The following TBC1D30 variants were observed in gnomAD, a reference collection of about 807,000 sequenced individuals.
The protein encoded by TBC1D30 is TBC1 domain family, member 30.
A neutral mutation model predicts 63.2 loss-of-function variants in TBC1D30; 31 were observed. That is an observed-to-expected ratio of 0.49 (90% confidence interval 0.37 to 0.66). TBC1D30 has a LOEUF of 0.66. Among genes scored for constraint, TBC1D30 ranks in the 30% least tolerant of loss-of-function variants. TBC1D30 has a pLI of 0.00. For synonymous variants in TBC1D30, 307 were observed against 361.5 expected (o/e 0.85, Z 1.71); for missense variants, 810 against 953.6 (o/e 0.85, Z 1.98).
chr12:64,839,254 G>C (rs1354508841), intron 7 of TBC1D30, among the ~76,000 whole-genome samples: 4 of 152,144 alleles, frequency 2.6e-5, no homozygotes, highest in Non-Finnish European at 1.5e-5. Flanking sequence ...TGCCTTTCAG[G>C]GCTGTGATAA....
intron 6 of TBC1D30, among the ~76,000 whole-genome samples, chr12:64,838,033 A>T (rs1037911884): frequency 3.9e-5 from 6 of 152,236 alleles, no homozygotes; most frequent in Admixed American, 2.0e-4. Context: ...AAATATTTAT[A>T]TTTCATAAAA....
chr12:64,836,559 G>T lies in TBC1D30; in HGVS notation c.664G>T (p.Val222Leu). The change falls in exon 6 of 12, where the codon GTG (valine) becomes TTG (leucine). Residue 222 changes from valine (V) to leucine (L), a missense_variant. Around this residue, in one of 4 missense-constraint regions of TBC1D30, gnomAD observed 272 missense variants for 335.9 expected, o/e 0.81. Coordinates refer to ENST00000539867, the MANE Select transcript of TBC1D30 (RefSeq NM_015279.2). ...CGTCAATAATCTCCGGGCATTGTCT[G>T]TGGATATGGCTGTCTTCAGAGACCT... ...YFVNNLRALS[V>L]DMAVFRDLLR... 1 of 1,535,968 alleles carries T rather than the reference G, an allele frequency of 6.5e-7. No individual in the cohort carries two copies. The highest frequency in any genetic ancestry group is 8.7e-7 in the Non-Finnish European group (1 of 1,146,850).
rs1306150124 is a variant in TBC1D30, at chr12:64,824,911, G to A, written c.32G>A (p.Arg11Lys). MRQDKLTGSL[R>K]RGGRCLKRQG... ...CAGGACAAGCTGACCGGGTCTCTGA[G>A]GCGCGGGGGGAGATGCCTGAAGCGG... Residue 11 changes from arginine to lysine, a missense_variant, in exon 1 of 12, where the codon AGG (arginine) becomes AAG (lysine). Arg to Lys is a conservative substitution (Grantham distance 26). Transcript: ENST00000539867. 1.3e-6 allele frequency: 2 copies of A among 1,534,342 alleles called. No individual in the cohort carries two copies. Among genetic ancestry groups the A allele is most frequent in the South Asian group, 1.2e-5 (1 of 83,916 alleles).
intron 1 of TBC1D30, among the ~76,000 whole-genome samples, chr12:64,759,913 A>AT (rs1870434489): frequency 6.6e-6 from 1 of 152,146 alleles, no homozygotes. Flanking sequence ...ATCGTTTTTA[A>AT]TTTTCTCTAC....
chr12:64,804,824 A>ACGGGGCT (rs1480935077), intron 2 of TBC1D30, among the ~76,000 whole-genome samples: 2 of 152,074 alleles, frequency 1.3e-5, no homozygotes, highest in African/African-American at 4.8e-5. Context: ...CAAAAGGTAT[A>ACGGGGCT]CGGGGCTCAA....
At chr12:64,850,178 A>G (rs750594626) in intron 8 of TBC1D30, among the ~76,000 whole-genome samples, 5 of 152,186 alleles carry the variant, frequency 3.3e-5, no homozygotes, top group Non-Finnish European at 7.3e-5. Context: ...TTGGGCTGAG[A>G]TGATGGGGTT....
intron 2 of TBC1D30, among the ~76,000 whole-genome samples, chr12:64,791,083 T>C (rs1023421394): frequency 6.6e-6 from 1 of 152,242 alleles, no homozygotes; most frequent in Non-Finnish European, 1.5e-5. Context: ...TTATTATTCA[T>C]ATAATTGAAT....
intron 2 of TBC1D30, among the ~76,000 whole-genome samples, chr12:64,810,417 A>ACATG (rs1259232345): frequency 1.3e-5 from 2 of 152,212 alleles, no homozygotes; most frequent in Non-Finnish European, 2.9e-5. Context: ...AGCCTGGCCA[A>ACATG]CATGGCAAAA....
At chr12:64,856,277 G>A (rs1438669090) in intron 8 of TBC1D30, among the ~76,000 whole-genome samples, 1 of 152,204 alleles carries the variant, frequency 6.6e-6, no homozygotes, top group African/African-American at 2.4e-5. Context: ...TGAGGGATCT[G>A]CCTTCATGAT....
At position 64,875,982 on chromosome 12, in the gene TBC1D30, A is replaced by C. The variant is rs1001175926; in HGVS notation, c.*194A>C. On this transcript the variant is annotated 3_prime_UTR_variant, in exon 12 of 12. Transcript: ENST00000539867. ...AGGGCTGTTTTCCCAGCTACTTGCT[A>C]ACTGACGAAGTGGATTCTTGTGGCA... 1 of 537,508 alleles carries C rather than the reference A, an allele frequency of 1.9e-6. No individual in the cohort carries two copies. Among genetic ancestry groups the C allele is most frequent in the African/African-American group, 1.9e-5 (1 of 51,892 alleles). 33.3% of individuals were successfully genotyped at this position (537,508 alleles called of 1,614,324 possible).
intron 8 of TBC1D30, among the ~76,000 whole-genome samples, chr12:64,856,329 T>C (rs1192250863): frequency 6.6e-6 from 1 of 152,212 alleles, no homozygotes; most frequent in Non-Finnish European, 1.5e-5. Context: ...CATTGGAGAT[T>C]ACAATTCAAC....
Position 64,843,454 on chromosome 12 carries a change from A to T in TBC1D30, c.1007A>T (p.Asn336Ile). Residue 336 changes from asparagine to isoleucine, a missense_variant, in exon 8 of 12, where the codon AAT (asparagine) becomes ATT (isoleucine). Asn to Ile is a moderately radical substitution (Grantham distance 149, BLOSUM62 -3). This residue lies in a region of TBC1D30 where 83 missense variants were observed against 121.5 expected (regional missense o/e 0.68). Transcript: ENST00000539867. The stretch of plus-strand genomic sequence containing the variant: ...CGCCTTACCCAGGAGATGCTAGAGA[A>T]TGATCTTCTGCAAAGCCATGAACTC... ...MGRLTQEMLENDLLQSHELMQ... is the reference protein window; with the variant it reads ...MGRLTQEMLEIDLLQSHELMQ... 6.5e-7 allele frequency: 1 copy of T among 1,536,202 alleles called. No individual in the cohort carries two copies. Among genetic ancestry groups the T allele is most frequent in the Non-Finnish European group, 8.7e-7 (1 of 1,146,906 alleles).
chr12:64,799,872 T>A (rs531687470), intron 2 of TBC1D30, among the ~76,000 whole-genome samples: 1 of 152,248 alleles, frequency 6.6e-6, no homozygotes, highest in African/African-American at 2.4e-5. Flanking sequence ...TTTGGGAGGC[T>A]GAGGTGGGCA....
intron 8 of TBC1D30, among the ~76,000 whole-genome samples, chr12:64,861,878 C>G (rs939794496): frequency 6.6e-6 from 1 of 152,132 alleles, no homozygotes; most frequent in Non-Finnish European, 1.5e-5. Context: ...TGCACCCACT[C>G]TGTTCACTTT....
intron 10 of TBC1D30, among the ~76,000 whole-genome samples, chr12:64,868,890 T>C (rs1878433038): frequency 6.6e-6 from 1 of 152,172 alleles, no homozygotes; most frequent in African/African-American, 2.4e-5. Context: ...CCTCCTAATA[T>C]TCTATTAATT....
At chr12:64,825,102 G>A in intron 1 of TBC1D30, 69 bp downstream of exon 1, 1 of 1,479,350 alleles carries the variant, frequency 6.8e-7, no homozygotes, top group South Asian at 1.3e-5. Context: ...TTCTGCCTTA[G>A]CCTGACTCCG....
chr12:64,781,112 G>A, exon 1 of TBC1D30: 1 of 1,004,510 alleles, frequency 1.0e-6, no homozygotes, highest in Non-Finnish European at 1.2e-6. Context: ...GGCGGGCGGG[G>A]GCCGCGGGGC....
intron 1 of TBC1D30, among the ~76,000 whole-genome samples, chr12:64,783,468 C>A (rs957770977): frequency 6.6e-6 from 1 of 152,088 alleles, no homozygotes; most frequent in Non-Finnish European, 1.5e-5. Flanking sequence ...TTATCATATA[C>A]CCTGGAATTC....
chr12:64,827,528 G>A (rs1308866752), intron 1 of TBC1D30, among the ~76,000 whole-genome samples: 1 of 152,188 alleles, frequency 6.6e-6, no homozygotes. Context: ...GAACCAAGTC[G>A]AATGGAGGAC....
Sources: allele counts gnomAD v4.1 joint callset (sites outside exome capture counted in the v4.1 genomes callset), GRCh38; gene constraint gnomAD v4.1.1; regional missense constraint gnomAD v4.1.1; transcripts MANE v1.5; gene names NCBI Gene and HGNC (gene_info 2026-07-23, HGNC 2026-07-21).